NXNL2: variants seen among roughly 807,000 people sequenced by gnomAD.
NXNL2 encodes nucleoredoxin like 2, also known as nucleoredoxin-like protein 2.
A neutral mutation model predicts 11.1 loss-of-function variants in NXNL2; 7 were observed. The observed-to-expected ratio is 0.63, with a 90% CI of 0.36 to 1.18. NXNL2 has a LOEUF of 1.18. Among genes scored for constraint, NXNL2 ranks in the 50% most tolerant of loss-of-function variants. NXNL2 has a pLI of 0.02. For missense variants in NXNL2, 233 were observed against 217.7 expected, an observed-to-expected ratio of 1.07 and a Z score of -0.44; for synonymous variants, 109 against 101.8, an observed-to-expected ratio of 1.07 and a Z score of -0.42.
chr9:88,536,104 C>A (rs1027873284), intron 1 of NXNL2, among the ~76,000 whole-genome samples: 4 of 152,310 alleles, frequency 2.6e-5, no homozygotes, highest in African/African-American at 9.6e-5. Flanking sequence ...CCGGCCCAAT[C>A]AGCCCTGGAC....
At position 88,550,999 on chromosome 9, in the gene NXNL2, C is replaced by G. The variant is rs1441495099; in HGVS notation, c.302+15263C>G. 3.9e-5 allele frequency among the ~76,000 whole-genome samples: 6 copies of G among 152,174 alleles called. No individual in the cohort carries two copies. The East Asian group carries it at 1.2e-3, about 29-fold the overall frequency. ...GTGCCTGGAATTTCCCTTAAAGAAACTCAAGATGTTCCTTTATTTCCATGC... is the reference window on the plus strand; with the variant it reads ...GTGCCTGGAATTTCCCTTAAAGAAAGTCAAGATGTTCCTTTATTTCCATGC... On this transcript the variant is annotated intron_variant, in intron 1 of 2. Transcript: ENST00000375855.
Position 88,535,620 on chromosome 9 carries a change from C to T in NXNL2, c.186C>T (p.Pro62=), listed in dbSNP as rs1318164178. Residue 62 remains proline, a synonymous_variant, in exon 1 of 2, where the codon CCC becomes CCT. Transcript: ENST00000375854. ...YTALVAEARR[P]APFEVVFVSA... ...CGCTGGTGGCCGAGGCGCGGCGGCCCGCGCCCTTCGAAGTGGTCTTCGTGT... is the reference window on the plus strand; with the variant it reads ...CGCTGGTGGCCGAGGCGCGGCGGCCTGCGCCCTTCGAAGTGGTCTTCGTGT... 1.2e-6 allele frequency: 2 copies of T among 1,608,800 alleles called. No homozygotes were observed. Among genetic ancestry groups the T allele is most frequent in the Admixed American group, 1.7e-5 (1 of 59,930 alleles).
At chr9:88,558,902 G>A (rs1439539623) in intron 1 of NXNL2, among the ~76,000 whole-genome samples, 1 of 152,102 alleles carries the variant, frequency 6.6e-6, no homozygotes, top group African/African-American at 2.4e-5. Context: ...GGCAGGTGGA[G>A]ATAGTCCCCT....
At chr9:88,548,203 G>A (rs186160903), downstream of NXNL2, among the ~76,000 whole-genome samples, 1,121 of 150,566 alleles carry the variant, frequency 7.4e-3, 11 homozygotes, top group African/African-American at 0.026. Context: ...GCTGGGCGTG[G>A]TGGCAGGTGC....
Position 88,535,732 on chromosome 9 carries a change from C to G in NXNL2, c.298C>G (p.Arg100Gly). Residue 100 changes from arginine to glycine, a missense_variant, in exon 1 of 2, where the codon CGG becomes GGG. Arg to Gly is a moderately radical substitution (Grantham distance 125, BLOSUM62 -2). Transcript: ENST00000375854. The stretch of plus-strand genomic sequence containing the variant: ...GGCGCTGCCCTTCCACGACCCCTAC[C>G]GGCAGTGAGTGGGGGTCCTGGGGGG... Reference protein sequence around the residue: ...WLALPFHDPYRHELRKRYNVT... With the variant: ...WLALPFHDPYGHELRKRYNVT... 5 of 1,569,268 alleles carry G rather than the reference C, an allele frequency of 3.2e-6. No homozygotes were observed. The highest frequency in any genetic ancestry group is 3.4e-6 in the Non-Finnish European group (4 of 1,164,770).
chr9:88,540,256 T>C (rs1054299348), intron 1 of NXNL2, among the ~76,000 whole-genome samples: 1 of 150,952 alleles, frequency 6.6e-6, no homozygotes, highest in African/African-American at 2.4e-5. Flanking sequence ...GGCGTGAACC[T>C]GGGAGGCGGA....
intron 1 of NXNL2, among the ~76,000 whole-genome samples, chr9:88,566,504 TGTTGACCAGGCTGGTCTC>T (rs1830172116): frequency 6.6e-6 from 1 of 152,122 alleles, no homozygotes. Flanking sequence ...GGTTTCACCA[TGTTGACCAGGCTGGTCTC>T]AAACTCCTGA....
chr9:88,567,078 C>T (rs560212182), intron 1 of NXNL2, among the ~76,000 whole-genome samples: 2 of 152,088 alleles, frequency 1.3e-5, no homozygotes, highest in Admixed American at 1.3e-4. Context: ...AGCAGAAATT[C>T]CATCTGCCTG....
In NXNL2 at chr9:88,552,473, G is replaced by GGTTTTTTTTTT. The variant is rs796387920; in HGVS notation, c.302+16737_302+16738insGTTTTTTTTTT. The stretch of plus-strand genomic sequence containing the variant: ...CTAGTTTTCTGCTTTAAACATGCAT[G>GGTTTTTTTTTT]TTTTTTTTTTTTTTTTTGAGATGGA... On this transcript the variant is annotated intron_variant, in intron 1 of 2. Transcript: ENST00000375855. Among the ~76,000 whole-genome samples the GGTTTTTTTTTT allele has an allele frequency of 2.3e-3, 307 of 131,488 alleles. 2 individuals are homozygous for GGTTTTTTTTTT. Among genetic ancestry groups the GGTTTTTTTTTT allele is most frequent in the African/African-American group, 8.2e-3 (291 of 35,442 alleles). 86.3% of individuals were successfully genotyped at this position (131,488 alleles called of 152,430 possible). A position where few individuals can be genotyped will look rare whatever the true frequency, so the allele number is the denominator to read the frequency against.
At position 88,562,751 on chromosome 9, in the gene NXNL2, C is replaced by CA. The variant is rs568068053; in HGVS notation, c.303-8323dup. 3.0e-3 allele frequency among the ~76,000 whole-genome samples: 356 copies of CA among 120,416 alleles called. 1 individual carries two copies. Among genetic ancestry groups the CA allele is most frequent in the Middle Eastern group, 0.011 (2 of 176 alleles). The allele number at this position is 120,416 out of a possible 152,430, so 79.0% of individuals were successfully genotyped here. A position where few individuals can be genotyped will look rare whatever the true frequency, so the allele number is the denominator to read the frequency against. On this transcript the variant is annotated intron_variant, in intron 1 of 2. Transcript: ENST00000375855. The stretch of plus-strand genomic sequence containing the variant: ...TGGGTGACAGGGCAAGACTCTGTCT[C>CA]AAAAAAAAAAAAATTGTAGTGAGGC...
chr9:88,560,071 A>C (rs986969212), intron 1 of NXNL2, among the ~76,000 whole-genome samples: 1 of 152,172 alleles, frequency 6.6e-6, no homozygotes, highest in Non-Finnish European at 1.5e-5. Context: ...GAATAATTGC[A>C]GAGTATTCCT....
intron 1 of NXNL2, among the ~76,000 whole-genome samples, chr9:88,562,626 C>G (rs910634319): frequency 2.0e-5 from 3 of 151,230 alleles, no homozygotes; most frequent in African/African-American, 7.3e-5. Flanking sequence ...GGTGGCGTGG[C>G]CCGTAATACC....
chr9:88,561,930 C>T (rs902259213), intron 1 of NXNL2, among the ~76,000 whole-genome samples: 1 of 152,180 alleles, frequency 6.6e-6, no homozygotes, highest in African/African-American at 2.4e-5. Flanking sequence ...CGAAAAATTG[C>T]ACATCTAGGA....
intron 1 of NXNL2, among the ~76,000 whole-genome samples, chr9:88,536,836 C>T (rs985297796): frequency 6.6e-6 from 1 of 152,102 alleles, no homozygotes; most frequent in African/African-American, 2.4e-5. Context: ...CTTCTGGGAG[C>T]CTCACTCACA....
downstream of NXNL2, among the ~76,000 whole-genome samples, chr9:88,547,272 G>C (rs980422209): frequency 6.6e-6 from 1 of 152,238 alleles, no homozygotes; most frequent in Non-Finnish European, 1.5e-5. Flanking sequence ...CATCAGGCCT[G>C]GGGCAGGTGG....
chr9:88,555,223 A>G lies in NXNL2; in HGVS notation c.303-15864A>G, dbSNP rs374903383. ...ATGAATAAAAGGGCGATTACTTCATAGGCAACCCTCAGGGCTGCTGGTTGG... is the reference window on the plus strand; with the variant it reads ...ATGAATAAAAGGGCGATTACTTCATGGGCAACCCTCAGGGCTGCTGGTTGG... On this transcript the variant is annotated intron_variant, in intron 1 of 2. Transcript: ENST00000375855. 5.5e-4 allele frequency among the ~76,000 whole-genome samples: 84 copies of G among 152,360 alleles called. 1 individual carries two copies. In the South Asian group the frequency reaches 0.016, roughly 30 times the overall value.
At position 88,539,026 on chromosome 9, in the gene NXNL2, C is replaced by A. The variant is rs1006695608; in HGVS notation, c.302+3290C>A. Among the ~76,000 whole-genome samples the A allele has an allele frequency of 2.6e-5, 4 of 152,190 alleles. No individual in the cohort carries two copies. In the East Asian group the frequency reaches 5.8e-4, roughly 22 times the overall value. On this transcript the variant is annotated intron_variant, in intron 1 of 1. Transcript: ENST00000375854. ...CACAGGCCTGTACTCCCCGTGCTGT[C>A]AGGGGCACCATGCCCAGCCTCCTCT...
intron 1 of NXNL2, among the ~76,000 whole-genome samples, chr9:88,536,249 G>A (rs917757213): frequency 6.6e-6 from 1 of 152,154 alleles, no homozygotes; most frequent in African/African-American, 2.4e-5. Flanking sequence ...TGCAGGCCGT[G>A]GTTGGTTTGC....
chr9:88,557,863 G>A (rs999201442), intron 1 of NXNL2, among the ~76,000 whole-genome samples: 5 of 152,158 alleles, frequency 3.3e-5, no homozygotes, highest in African/African-American at 1.2e-4. Context: ...GGAATGAGGG[G>A]CCTTTGCTCT....
Sources: gnomAD v4.1 joint callset for allele counts (sites outside exome capture counted in the v4.1 genomes callset) on GRCh38, gnomAD v4.1.1 for gene constraint, MANE v1.5 for transcripts, NCBI Gene and HGNC (gene_info 2026-07-23, HGNC 2026-07-21) for gene names.